NACC2: variants seen among roughly 807,000 people sequenced by gnomAD.
NACC2 encodes the protein nucleus accumbens-associated protein 2.
NACC2 carries 8 observed loss-of-function variants against 25.1 expected under a neutral mutation model. The ratio of observed to expected loss-of-function variants is 0.32; its 90% CI spans 0.19 to 0.57. The LOEUF (loss-of-function observed/expected upper bound fraction) is 0.57, where lower values mean the gene tolerates loss of function less well. Ranked by LOEUF, NACC2 falls within the 20% of genes least tolerant of loss-of-function variation. NACC2 has a pLI of 0.89. For synonymous variants in NACC2, 435 were observed against 294.7 expected (o/e 1.48, Z -4.88); for missense variants, 644 against 650.2 (o/e 0.99, Z 0.10).
chr9:136,047,215 A>G (rs1840743263), intron 2 of NACC2, among the ~76,000 whole-genome samples: 1 of 152,152 alleles, frequency 6.6e-6, no homozygotes, highest in Non-Finnish European at 1.5e-5. Flanking sequence ...CGAGCCCGGG[A>G]CACGGAGGGC....
chr9:136,011,686 C>T lies in NACC2; in HGVS notation c.1594G>A (p.Val532Met), dbSNP rs1840110132. ...TGGATGACCGAGCCAGCCCCGTCCACCTCCTCGCCGGCGTCGAAGGCGGGG... is the reference window on the plus strand; with the variant it reads ...TGGATGACCGAGCCAGCCCCGTCCATCTCCTCGCCGGCGTCGAAGGCGGGG... ...ANPAFDAGEE[V>M]DGAGSVIQEV... Residue 532 changes from valine (V) to methionine (M), a missense_variant, in exon 6 of 6, where the codon GTG becomes ATG. Coordinates refer to ENST00000277554, the MANE Select transcript of NACC2 (RefSeq NM_144653.5). 2 of 1,467,532 alleles carry T rather than the reference C, an allele frequency of 1.4e-6. No individual in the cohort carries two copies. Among genetic ancestry groups the T allele is most frequent in the Non-Finnish European group, 9.0e-7 (1 of 1,112,886 alleles). 90.9% of individuals were successfully genotyped at this position (1,467,532 alleles called of 1,614,324 possible).
intron 2 of NACC2, among the ~76,000 whole-genome samples, chr9:136,032,949 CA>C (rs1840495153): frequency 6.7e-6 from 1 of 150,098 alleles, no homozygotes; most frequent in Non-Finnish European, 1.5e-5. Flanking sequence ...ACTCTGGAGG[CA>C]GAGGTTGCAG....
chr9:136,092,038 T>C (rs1346459911), intron 1 of NACC2, among the ~76,000 whole-genome samples: 1 of 152,092 alleles, frequency 6.6e-6, no homozygotes, highest in African/African-American at 2.4e-5. Context: ...GAGATCCACC[T>C]GGGGATTAGG....
intron 1 of NACC2, among the ~76,000 whole-genome samples, chr9:136,091,969 G>A (rs1266650284): frequency 6.6e-6 from 1 of 152,202 alleles, no homozygotes; most frequent in Non-Finnish European, 1.5e-5. Context: ...CACAGCCAAG[G>A]CCCAAACAAC....
At position 136,050,306 on chromosome 9, in the gene NACC2, G is replaced by A. The variant is rs912753602; in HGVS notation, c.216C>T (p.Ser72=). 1.9e-5 allele frequency: 14 copies of A among 744,034 alleles called. No homozygotes were observed. Among genetic ancestry groups the A allele is most frequent in the Middle Eastern group, 2.6e-4 (1 of 3,858 alleles). The allele number at this position is 744,034 out of a possible 1,614,324, so 46.1% of individuals were successfully genotyped here. A position where few individuals can be genotyped will look rare whatever the true frequency, so the allele number is the denominator to read the frequency against. The stretch of plus-strand genomic sequence containing the variant: ...TCTGCTGGAAGCAGGCGGGCGGCAC[G>A]GAGCCGGGCAGCTCGAAGGCGCTCT... ...NSKSAFELPG[S]VPPACFQQIL... Residue 72 remains serine (S), a synonymous_variant, in exon 2 of 6, where the codon TCC becomes TCT. Coordinates refer to ENST00000277554, the MANE Select transcript of NACC2 (RefSeq NM_144653.5).
At chr9:136,091,426 C>T (rs1461680451) in intron 1 of NACC2, among the ~76,000 whole-genome samples, 1 of 152,174 alleles carries the variant, frequency 6.6e-6, no homozygotes, top group Admixed American at 6.5e-5. Context: ...AGGACCCAGG[C>T]CCAGCAAGCA....
rs769752881 is a variant in NACC2 at position 136,069,274 on chromosome 9, C to T, written c.-59-18694G>A. ...TAAAATGTATTCTATTGACTGGGCG[C>T]GGTGGCTCACACCTGTAATCCCAGC... On this transcript the variant is annotated intron_variant, in intron 1 of 5. Coordinates refer to ENST00000277554, the MANE Select transcript of NACC2 (RefSeq NM_144653.5). Among the ~76,000 whole-genome samples, 21 of 145,816 alleles carry T rather than the reference C, an allele frequency of 1.4e-4. No individual in the cohort carries two copies. In the East Asian group the frequency reaches 2.9e-3, roughly 20 times the overall value.
At chr9:136,044,670 C>T (rs1474118508) in intron 2 of NACC2, among the ~76,000 whole-genome samples, 1 of 152,374 alleles carries the variant, frequency 6.6e-6, no homozygotes, top group Admixed American at 6.5e-5. Context: ...TCAGCAACCC[C>T]AAGTTCAGCC....
In NACC2 at chr9:136,011,606, G is replaced by A. The variant is rs746256447; in HGVS notation, c.1674C>T (p.Pro558=). 8 of 1,424,086 alleles carry A rather than the reference G, an allele frequency of 5.6e-6. No individual in the cohort carries two copies. In the African/African-American group the frequency reaches 1.1e-4, roughly 19 times the overall value. 88.2% of individuals were successfully genotyped at this position (1,424,086 alleles called of 1,614,324 possible). The part of the protein sequence containing the change: ...LPADGQSPPQ[P]FEQGGGGPSR... ...TGGGGCCGCCCCCGCCCTGCTCAAAGGGCTGTGGGGGGCTCTGGCCATCGG... is the reference window on the plus strand; with the variant it reads ...TGGGGCCGCCCCCGCCCTGCTCAAAAGGCTGTGGGGGGCTCTGGCCATCGG... Residue 558 remains proline (P), a synonymous_variant, in exon 6 of 6, where the codon CCC becomes CCT. Transcript: ENST00000277554.
chr9:136,060,660 G>A (rs929559506), intron 1 of NACC2, among the ~76,000 whole-genome samples: 7 of 152,240 alleles, frequency 4.6e-5, no homozygotes, highest in South Asian at 2.1e-4. Context: ...GCTTAGCCCC[G>A]TCGGGTCTCA....
In NACC2 at chr9:136,045,959, C is replaced by T. The variant is rs1006641178; in HGVS notation, c.886+3677G>A. 3.6e-3 allele frequency among the ~76,000 whole-genome samples: 546 copies of T among 152,260 alleles called. 6 individuals carry two copies. The highest frequency in any genetic ancestry group is 0.026 in the Admixed American group (400 of 15,304). Reference sequence around the variant, plus strand: ...GCCTTGCCGGGGAAGCCCCGGCTCCCGGTGTCCCTGCTGGACGTTCAGATG... The same window carrying T: ...GCCTTGCCGGGGAAGCCCCGGCTCCTGGTGTCCCTGCTGGACGTTCAGATG... On this transcript the variant is annotated intron_variant, in intron 2 of 5. Transcript: ENST00000277554.
chr9:136,075,844 TCTC>T (rs1830257633), intron 1 of NACC2, among the ~76,000 whole-genome samples: 1 of 152,140 alleles, frequency 6.6e-6, no homozygotes, highest in Non-Finnish European at 1.5e-5. Flanking sequence ...AGCAAAGTCA[TCTC>T]CTCTGGAGTG....
Position 136,049,757 on chromosome 9 carries a change from G to A in NACC2, c.765C>T (p.Pro255=). 2 of 777,758 alleles carry A rather than the reference G, an allele frequency of 2.6e-6. No homozygotes were observed. Among genetic ancestry groups the A allele is most frequent in the Admixed American group, 1.7e-5 (1 of 58,742 alleles). 48.2% of individuals were successfully genotyped at this position (777,758 alleles called of 1,614,324 possible). ...ERTSPGASSL[P]TTDSPTSYHN... ...GGTACGAGGTGGGGCTGTCGGTGGT[G>A]GGCAGGCTGCTGGCGCCTGGACTGG... Residue 255 remains proline (P), a synonymous_variant, in exon 2 of 6, where the codon CCC becomes CCT. Coordinates refer to ENST00000277554, the MANE Select transcript of NACC2 (RefSeq NM_144653.5).
chr9:136,053,222 G>A (rs1840874561), intron 1 of NACC2, among the ~76,000 whole-genome samples: 1 of 152,214 alleles, frequency 6.6e-6, no homozygotes, highest in South Asian at 2.1e-4. Context: ...CAGAGAGAGG[G>A]CCATCTGGCT....
Position 136,007,660 on chromosome 9 carries a change from CAGCTACG to C in NACC2, c.*3849_*3855del, listed in dbSNP as rs1840045128. On this transcript the variant is annotated 3_prime_UTR_variant, in exon 6 of 6. Coordinates refer to ENST00000277554, the MANE Select transcript of NACC2 (RefSeq NM_144653.5). ...CTGAAACAGTAGTTACAGCTGAGGA[CAGCTACG>C]AGCTCTGGATTCTGCGCTTAGGACT... The C allele has an allele frequency of 6.6e-6, 1 of 152,392 alleles. No homozygotes were observed. The highest frequency in any genetic ancestry group is 6.5e-5 in the Admixed American group (1 of 15,312). The allele number at this position is 152,392 out of a possible 1,614,324, so 9.4% of individuals were successfully genotyped here.
chr9:136,019,835 C>T lies in NACC2; in HGVS notation c.887-3406G>A, dbSNP rs556370666. ...CCAGGCCCTTCTGCTCCCAGCCGGG[C>T]GACACCAGGGGAGCTTGCGAGAGGG... On this transcript the variant is annotated intron_variant, in intron 2 of 5. Transcript: ENST00000277554. This position sits in a 1 kb window ranked among gnomAD's most constrained non-coding sequence, Gnocchi z 5.2. Among the ~76,000 whole-genome samples the T allele has an allele frequency of 2.0e-5, 3 of 152,272 alleles. No individual in the cohort carries two copies. The highest frequency in any genetic ancestry group is 4.4e-5 in the Non-Finnish European group (3 of 68,020).
Position 136,049,949 on chromosome 9 carries a change from G to A in NACC2, c.573C>T (p.Arg191=). 1 of 588,476 alleles carries A rather than the reference G, an allele frequency of 1.7e-6. No individual in the cohort carries two copies. The highest frequency in any genetic ancestry group is 2.0e-5 in the South Asian group (1 of 49,840). 36.5% of individuals were successfully genotyped at this position (588,476 alleles called of 1,614,324 possible). ...CGTCCCGGGGCCCCGTCTCCAGCGGGCGCTTGGGGGCCAGGCCTGGGCCGG... is the reference window on the plus strand; with the variant it reads ...CGTCCCGGGGCCCCGTCTCCAGCGGACGCTTGGGGGCCAGGCCTGGGCCGG... ...PPAGPGLAPK[R]PLETGPRDGV... Residue 191 remains arginine, a synonymous_variant, in exon 2 of 6, where the codon CGC becomes CGT. Transcript: ENST00000277554.
chr9:136,034,807 T>C (rs1002488203), intron 2 of NACC2, among the ~76,000 whole-genome samples: 3 of 152,126 alleles, frequency 2.0e-5, no homozygotes, highest in Non-Finnish European at 2.9e-5. Flanking sequence ...ATAATCATAA[T>C]TGGGGGCCAG....
chr9:136,055,773 C>T lies in NACC2; in HGVS notation c.-59-5193G>A, dbSNP rs1483790080. 5.3e-5 allele frequency among the ~76,000 whole-genome samples: 8 copies of T among 152,170 alleles called. No homozygotes were observed. The highest frequency in any genetic ancestry group is 1.7e-4 in the African/African-American group (7 of 41,442). ...AAGGAGAGAGGCGGGGCACGGGAAA[C>T]GTTCTGCGGAGGGGAGAGTCCCTCT... On this transcript the variant is annotated intron_variant, in intron 1 of 5. Coordinates refer to ENST00000277554, the MANE Select transcript of NACC2 (RefSeq NM_144653.5). The surrounding 1 kb of genome is among the most constrained non-coding windows in gnomAD (Gnocchi z 4.9).
Sources: gnomAD v4.1 joint callset for allele counts (sites outside exome capture counted in the v4.1 genomes callset) on GRCh38, gnomAD v4.1.1 for gene constraint, Gnocchi (gnomAD v3.1) non-coding constraint, MANE v1.5 for transcripts, NCBI Gene and HGNC (gene_info 2026-07-23, HGNC 2026-07-21) for gene names.